SCG5: variants seen among roughly 807,000 people sequenced by gnomAD.
SCG5 encodes neuroendocrine protein 7B2.
A neutral mutation model predicts 25.7 loss-of-function variants in SCG5; 18 were observed. That is an observed-to-expected ratio of 0.70 (90% CI 0.48 to 1.04). SCG5 has a LOEUF of 1.04. Among genes scored for constraint, SCG5 ranks in the 50% least tolerant of loss-of-function variants. The probability of loss-of-function intolerance (pLI) is 0.00; values close to 1 mark genes in which losing one functional copy is unlikely to be tolerated. For missense variants in SCG5, 206 were observed against 259.8 expected (o/e 0.79, Z 1.42); for synonymous variants, 101 against 91.7 (o/e 1.10, Z -0.58).
intron 2 of SCG5, among the ~76,000 whole-genome samples, chr15:32,657,855 T>C (rs528628724): frequency 6.6e-6 from 1 of 152,240 alleles, no homozygotes. Context: ...GCATCTAACT[T>C]ATTTATGTAG....
chr15:32,646,893 G>A (rs954663933), intron 2 of SCG5, among the ~76,000 whole-genome samples: 1 of 152,080 alleles, frequency 6.6e-6, no homozygotes, highest in Admixed American at 6.5e-5. Flanking sequence ...TTGATTTTAG[G>A]ATTTTATTGT....
At chr15:32,651,238 C>T (rs76443071) in intron 2 of SCG5, among the ~76,000 whole-genome samples, 4,712 of 152,246 alleles carry the variant, frequency 0.031, 100 homozygotes, top group Middle Eastern at 0.061. Flanking sequence ...TTTTTTATAA[C>T]ACTGACTGTT....
chr15:32,657,650 C>G (rs926685262), intron 2 of SCG5, among the ~76,000 whole-genome samples: 5 of 152,290 alleles, frequency 3.3e-5, no homozygotes, highest in Admixed American at 1.3e-4. Context: ...AAAGCTTGCT[C>G]TCCGTGGTTT....
intron 5 of SCG5, chr15:32,692,393 C>A: frequency 2.7e-6 from 1 of 372,976 alleles, no homozygotes; most frequent in Non-Finnish European, 3.7e-6. Flanking sequence ...CTAGATACTC[C>A]ACATTTAGCT....
At position 32,661,788 on chromosome 15, in the gene SCG5, C is replaced by G. The variant is rs570459894; in HGVS notation, c.226+17970C>G. Among the ~76,000 whole-genome samples the G allele has an allele frequency of 1.4e-4, 21 of 152,148 alleles. No homozygotes were observed. The South Asian group carries it at 4.4e-3, about 32-fold the overall frequency. ...AACTTTAAGGATGCTATATGGATAA[C>G]TTATGTTTCAGTATTTTTTCTTATG... On this transcript the variant is annotated intron_variant, in intron 2 of 5. Coordinates refer to ENST00000300175, the MANE Select transcript of SCG5 (RefSeq NM_001144757.3).
chr15:32,650,982 G>A (rs1244287455), intron 2 of SCG5, among the ~76,000 whole-genome samples: 2 of 152,204 alleles, frequency 1.3e-5, no homozygotes, highest in African/African-American at 2.4e-5. Context: ...CGGATCACCT[G>A]AGGTCAGAAG....
At chr15:32,660,285 C>T (rs1050743755) in intron 2 of SCG5, among the ~76,000 whole-genome samples, 14 of 152,106 alleles carry the variant, frequency 9.2e-5, no homozygotes, top group Non-Finnish European at 1.6e-4. Context: ...TTGCCAGATC[C>T]GTGACTCTGA....
intron 3 of SCG5, among the ~76,000 whole-genome samples, chr15:32,680,780 T>C (rs967863681): frequency 1.3e-5 from 2 of 152,158 alleles, no homozygotes; most frequent in Non-Finnish European, 2.9e-5. Flanking sequence ...AAATTTTCCA[T>C]GTTGTTCATG....
At chr15:32,680,037 A>ATT in intron 3 of SCG5, 122 bp downstream of exon 3, 1 of 901,294 alleles carries the variant, frequency 1.1e-6, no homozygotes, top group Non-Finnish European at 1.7e-6. Flanking sequence ...GCCCATGTGT[A>ATT]TTTGTAAGTA....
intron 2 of SCG5, among the ~76,000 whole-genome samples, chr15:32,654,865 A>G (rs1167755276): frequency 6.6e-6 from 1 of 152,218 alleles, no homozygotes; most frequent in African/African-American, 2.4e-5. Context: ...GACACCAGCA[A>G]GTGGGACTCG....
chr15:32,695,659 A>T (rs535800624), intron 5 of SCG5, among the ~76,000 whole-genome samples: 224 of 152,158 alleles, frequency 1.5e-3, no homozygotes, highest in African/African-American at 5.2e-3. Flanking sequence ...CTCCTTAGTA[A>T]AATACTGGCG....
intron 4 of SCG5, among the ~76,000 whole-genome samples, chr15:32,688,852 G>C (rs2054779082): frequency 1.3e-5 from 2 of 151,826 alleles, no homozygotes; most frequent in Non-Finnish European, 2.9e-5. Context: ...CCAGCTACTT[G>C]GGAGGCTGAG....
chr15:32,692,814 G>A (rs970856375), intron 5 of SCG5, among the ~76,000 whole-genome samples: 3 of 152,094 alleles, frequency 2.0e-5, no homozygotes, highest in African/African-American at 7.2e-5. Context: ...GGATTTTCTG[G>A]CCTCAGCATC....
At chr15:32,692,559 C>T (rs2054878191) in intron 5 of SCG5, among the ~76,000 whole-genome samples, 1 of 152,206 alleles carries the variant, frequency 6.6e-6, no homozygotes, top group Non-Finnish European at 1.5e-5. Context: ...CACCTACCTC[C>T]TTCTTTATCT....
chr15:32,654,445 G>C (rs1238192957), intron 2 of SCG5, among the ~76,000 whole-genome samples: 1 of 152,202 alleles, frequency 6.6e-6, no homozygotes, highest in East Asian at 1.9e-4. Context: ...AGCCCAGCTA[G>C]TATTTGTGGG....
intron 2 of SCG5, among the ~76,000 whole-genome samples, chr15:32,668,756 C>T (rs979869211): frequency 6.6e-6 from 1 of 152,204 alleles, no homozygotes; most frequent in Non-Finnish European, 1.5e-5. Flanking sequence ...GGCGGAGGGT[C>T]ACCTCCACTC....
Position 32,683,211 on chromosome 15 carries a change from G to C in SCG5, c.377-1346G>C, listed in dbSNP as rs118075642. 3.0e-4 allele frequency among the ~76,000 whole-genome samples: 46 copies of C among 152,330 alleles called. No individual in the cohort carries two copies. The East Asian group carries it at 7.9e-3, about 26-fold the overall frequency. On this transcript the variant is annotated intron_variant, in intron 3 of 5. Transcript: ENST00000300175. ...GAGAGACTGTGTACTGAAAGCTTAA[G>C]AGCAGTGTCAAGAACTAGACAACCT...
chr15:32,665,794 A>C (rs2054309074), intron 2 of SCG5: 1 of 152,200 alleles, frequency 6.6e-6, no homozygotes, highest in Non-Finnish European at 1.5e-5. Flanking sequence ...TGGCAATTTG[A>C]GGAATGGCTG....
At chr15:32,655,619 T>C (rs773804499) in intron 2 of SCG5, among the ~76,000 whole-genome samples, 1 of 152,162 alleles carries the variant, frequency 6.6e-6, no homozygotes, top group Non-Finnish European at 1.5e-5. Context: ...TGTTGATGCC[T>C]AATCCCCACT....
Sources: gnomAD v4.1 joint callset for allele counts (sites outside exome capture counted in the v4.1 genomes callset) on GRCh38, gnomAD v4.1.1 for gene constraint, MANE v1.5 for transcripts, NCBI Gene and HGNC (gene_info 2026-07-23, HGNC 2026-07-21) for gene names.